PDE6D: variants seen among roughly 807,000 people sequenced by gnomAD.
PDE6D encodes phosphodiesterase 6D.
In PDE6D, 10 loss-of-function variants were observed where a neutral mutation model predicts 21.9. The ratio of observed to expected loss-of-function variants is 0.46; its 90% CI spans 0.28 to 0.78. The LOEUF (loss-of-function observed/expected upper bound fraction) is 0.78. Ranked by LOEUF, PDE6D falls within the 30% of genes least tolerant of loss-of-function variation. The pLI, the probability that PDE6D is intolerant of heterozygous loss-of-function variation, is 0.12. For missense variants in PDE6D, 139 were observed against 184.8 expected, an observed-to-expected ratio of 0.75 and a Z score of 1.44; for synonymous variants, 59 against 63.5, an observed-to-expected ratio of 0.93 and a Z score of 0.34.
intron 1 of PDE6D, among the ~76,000 whole-genome samples, chr2:231,770,354 A>G (rs1385722235): frequency 6.6e-6 from 1 of 152,234 alleles, no homozygotes; most frequent in East Asian, 1.9e-4. Context: ...TTTTCTGGAA[A>G]ATGTCTTTTT....
At chr2:231,752,364 A>AAT (rs2048846135) in intron 1 of PDE6D, among the ~76,000 whole-genome samples, 1 of 152,256 alleles carries the variant, frequency 6.6e-6, no homozygotes, top group South Asian at 2.1e-4. Flanking sequence ...AACAACAGAT[A>AAT]ATATGAAGGC....
At chr2:231,757,292 A>G (rs1489309501) in intron 1 of PDE6D, among the ~76,000 whole-genome samples, 1 of 150,642 alleles carries the variant, frequency 6.6e-6, no homozygotes, top group East Asian at 2.0e-4. Context: ...AGTTTCAAGT[A>G]TTAAACGATT....
rs1320065222 is a variant in PDE6D at position 231,737,250 on chromosome 2, T to C, written c.308A>G (p.Asn103Ser). The change falls in exon 4 of 5, where the codon AAT (asparagine) becomes AGT (serine). Residue 103 changes from asparagine (N) to serine (S), a missense_variant. By Grantham distance (46) the Asn-to-Ser change is conservative. Coordinates refer to ENST00000287600, the MANE Select transcript of PDE6D (RefSeq NM_002601.4). ...EFGFVIPNST[N>S]TWQSLIEAAP... ...TGCCTCTATCAAGGACTGCCAGGTA[T>C]TTGTGGAGTTAGGGATCACAAAGCC... is the stretch of plus-strand genomic sequence containing the variant. The C allele has an allele frequency of 6.2e-7, 1 of 1,613,190 alleles. No homozygotes were observed. The highest frequency in any genetic ancestry group is 8.5e-7 in the Non-Finnish European group (1 of 1,179,360).
intron 1 of PDE6D, among the ~76,000 whole-genome samples, chr2:231,753,588 A>G (rs2048860462): frequency 6.6e-6 from 1 of 151,144 alleles, no homozygotes; most frequent in African/African-American, 2.4e-5. Context: ...TAAATAAACA[A>G]ACAAATAAAA....
chr2:231,742,051 A>G (rs894398111), intron 1 of PDE6D, among the ~76,000 whole-genome samples: 1 of 152,228 alleles, frequency 6.6e-6, no homozygotes, highest in African/African-American at 2.4e-5. Context: ...AGGATTGAAA[A>G]TAGTTTTCTC....
At chr2:231,756,760 G>GA (rs1251402345) in intron 1 of PDE6D, among the ~76,000 whole-genome samples, 1 of 151,520 alleles carries the variant, frequency 6.6e-6, no homozygotes, top group East Asian at 1.9e-4. Flanking sequence ...GATTCAAAGA[G>GA]AAAGTTTAGA....
intron 1 of PDE6D, among the ~76,000 whole-genome samples, chr2:231,743,607 G>A (rs1189691715): frequency 2.0e-5 from 3 of 152,002 alleles, no homozygotes; most frequent in Non-Finnish European, 2.9e-5. Flanking sequence ...CCCTCAGGGT[G>A]TGCAATTCCT....
intron 1 of PDE6D, among the ~76,000 whole-genome samples, chr2:231,750,133 T>G (rs2048826250): frequency 6.6e-6 from 1 of 152,064 alleles, no homozygotes; most frequent in Non-Finnish European, 1.5e-5. Flanking sequence ...TTATCAGGGG[T>G]TTCTGCTTTT....
At chr2:231,762,824 T>C (rs1002421410) in intron 1 of PDE6D, among the ~76,000 whole-genome samples, 2 of 151,876 alleles carry the variant, frequency 1.3e-5, no homozygotes, top group African/African-American at 4.8e-5. Context: ...AGATCTTAGG[T>C]GCAGTGGCTC....
At chr2:231,742,807 G>GAA (rs2048760837) in intron 1 of PDE6D, among the ~76,000 whole-genome samples, 1 of 152,134 alleles carries the variant, frequency 6.6e-6, no homozygotes, top group Non-Finnish European at 1.5e-5. Flanking sequence ...GCATAATCAG[G>GAA]GGTGAGCACA....
At chr2:231,753,189 G>A (rs2106272655) in intron 1 of PDE6D, among the ~76,000 whole-genome samples, 1 of 151,174 alleles carries the variant, frequency 6.6e-6, no homozygotes, top group South Asian at 2.1e-4. Flanking sequence ...TCCAGTCTCT[G>A]GTCCATTGTT....
At chr2:231,774,840 C>T (rs1323103067) in intron 1 of PDE6D, among the ~76,000 whole-genome samples, 1 of 152,104 alleles carries the variant, frequency 6.6e-6, no homozygotes, top group Non-Finnish European at 1.5e-5. Flanking sequence ...ATCCGCCCAC[C>T]TTGGCCTCCC....
intron 1 of PDE6D, among the ~76,000 whole-genome samples, chr2:231,753,431 G>C (rs932299714): frequency 6.6e-6 from 1 of 151,892 alleles, no homozygotes; most frequent in Non-Finnish European, 1.5e-5. Flanking sequence ...CGCGCCTGTA[G>C]TCCCAGCTAC....
chr2:231,742,273 C>A (rs2048755654), intron 1 of PDE6D, among the ~76,000 whole-genome samples: 1 of 152,096 alleles, frequency 6.6e-6, no homozygotes, highest in South Asian at 2.1e-4. Flanking sequence ...AGGCATGCAC[C>A]ACCATGCCCG....
chr2:231,755,247 C>T (rs1483194902), intron 1 of PDE6D, among the ~76,000 whole-genome samples: 1 of 141,988 alleles, frequency 7.0e-6, no homozygotes, highest in Non-Finnish European at 1.6e-5. Flanking sequence ...GTTACAGCAG[C>T]CCGAAATGAC....
At chr2:231,750,244 A>C (rs561977791) in intron 1 of PDE6D, among the ~76,000 whole-genome samples, 1 of 152,290 alleles carries the variant, frequency 6.6e-6, no homozygotes, top group South Asian at 2.1e-4. Flanking sequence ...AAGTCCAATT[A>C]AACCTTTTTC....
rs191302098 is a variant in PDE6D, at chr2:231,751,092, T to C, written c.51-11904A>G. On this transcript the variant is annotated intron_variant, in intron 1 of 4. Transcript: ENST00000287600. ...TCATATCAATTCACCAAGAAATAAA[T>C]TGTTTTATCAGGTGTTATTCTATTC... Among the ~76,000 whole-genome samples, 367 of 152,236 alleles carry C rather than the reference T, an allele frequency of 2.4e-3. 3 individuals carry two copies. Among genetic ancestry groups the C allele is most frequent in the Admixed American group, 1.8e-3 (27 of 15,288 alleles).
chr2:231,750,513 C>T (rs2106270424), intron 1 of PDE6D, among the ~76,000 whole-genome samples: 1 of 141,646 alleles, frequency 7.1e-6, no homozygotes, highest in Non-Finnish European at 1.5e-5. Context: ...GACAGAGTCT[C>T]ACTCACTCTG....
At chr2:231,761,243 C>T (rs776612978) in intron 1 of PDE6D, among the ~76,000 whole-genome samples, 1 of 152,010 alleles carries the variant, frequency 6.6e-6, no homozygotes, top group Non-Finnish European at 1.5e-5. Flanking sequence ...GGCGCAATCT[C>T]GGCTCACTGC....
Sources: allele counts gnomAD v4.1 joint callset (sites outside exome capture counted in the v4.1 genomes callset), GRCh38; gene constraint gnomAD v4.1.1; transcripts MANE v1.5; gene names NCBI Gene and HGNC (gene_info 2026-07-23, HGNC 2026-07-21).